The following ATP10B variants were observed in gnomAD, a reference collection of about 807,000 sequenced individuals.
ATP10B encodes ATPase phospholipid transporting 10B (putative).
A neutral mutation model predicts 141.2 loss-of-function variants in ATP10B; 122 were observed. The observed-to-expected ratio is 0.86, with a 90% CI of 0.75 to 1.00. The LOEUF is 1.00. Ranked by LOEUF, ATP10B falls within the 50% of genes least tolerant of loss-of-function variation. The probability of loss-of-function intolerance (pLI) is 0.00; values close to 1 mark genes in which losing one functional copy is unlikely to be tolerated. For missense variants in ATP10B, 1,876 were observed against 1,825.3 expected, an observed-to-expected ratio of 1.03 and a Z score of -0.51; for synonymous variants, 685 against 692.0, an observed-to-expected ratio of 0.99 and a Z score of 0.16.
chr5:160,694,875 T>C (rs1397231255), intron 3 of ATP10B, among the ~76,000 whole-genome samples: 3 of 152,234 alleles, frequency 2.0e-5, no homozygotes, highest in Admixed American at 6.5e-5. Flanking sequence ...AAAGTGCCAC[T>C]GTCAAAAGAC....
chr5:160,719,066 T>C lies in ATP10B; in HGVS notation c.-330-2032A>G, dbSNP rs377348604. On this transcript the variant is annotated intron_variant, in intron 2 of 25. Transcript: ENST00000327245. ...ACAATTAGCCAATAAATAAAAAAACTGTATTAGGTTGGTGCAAAAGTAATT... is the reference window on the plus strand; with the variant it reads ...ACAATTAGCCAATAAATAAAAAAACCGTATTAGGTTGGTGCAAAAGTAATT... Among the ~76,000 whole-genome samples, 30 of 152,268 alleles carry C rather than the reference T, an allele frequency of 2.0e-4. No homozygotes were observed. The East Asian group carries it at 2.1e-3, about 11-fold the overall frequency.
chr5:160,671,202 A>G (rs1762685252), intron 6 of ATP10B, among the ~76,000 whole-genome samples: 3 of 151,524 alleles, frequency 2.0e-5, no homozygotes, highest in Admixed American at 2.0e-4. Context: ...ACCCAAACCA[A>G]AACAAAATCT....
intron 18 of ATP10B, among the ~76,000 whole-genome samples, chr5:160,607,319 G>T (rs1277182478): frequency 6.6e-6 from 1 of 152,188 alleles, no homozygotes; most frequent in Non-Finnish European, 1.5e-5. Flanking sequence ...GAATGGGAGT[G>T]AAAGTAGCTC....
intron 2 of ATP10B, among the ~76,000 whole-genome samples, chr5:160,726,874 A>G (rs1377846752): frequency 6.6e-6 from 1 of 152,056 alleles, no homozygotes; most frequent in African/African-American, 2.4e-5. Flanking sequence ...CTTTGGAAAG[A>G]CTTATCAGAA....
intron 7 of ATP10B, among the ~76,000 whole-genome samples, chr5:160,652,031 C>T (rs191512562): frequency 6.6e-6 from 1 of 152,196 alleles, no homozygotes; most frequent in East Asian, 1.9e-4. Flanking sequence ...TTCTGTAATG[C>T]CTCGGAGTCC....
rs1026515443 is a variant in ATP10B at position 160,827,167 on chromosome 5, T to C, written c.-576+24774A>G. 2.0e-5 allele frequency among the ~76,000 whole-genome samples: 3 copies of C among 152,334 alleles called. No individual in the cohort carries two copies. In the South Asian group the frequency reaches 6.2e-4, roughly 32 times the overall value. On this transcript the variant is annotated intron_variant, in intron 1 of 25. Transcript: ENST00000327245. ...GGTGGGCATCATGGTCCTACCAATA[T>C]GTGATGTCACCCCCAGAGGCCCAGC... is the stretch of plus-strand genomic sequence containing the variant.
At chr5:160,651,212 T>C (rs1413842175) in intron 7 of ATP10B, among the ~76,000 whole-genome samples, 2 of 152,148 alleles carry the variant, frequency 1.3e-5, no homozygotes, top group Admixed American at 1.3e-4. Context: ...CCTATTTAAA[T>C]CTCATGGGCT....
At chr5:160,806,997 C>T (rs767928080) in intron 1 of ATP10B, among the ~76,000 whole-genome samples, 7 of 151,842 alleles carry the variant, frequency 4.6e-5, no homozygotes, top group Admixed American at 2.0e-4. Flanking sequence ...AAAAGACAAA[C>T]GGGGAAGAAA....
chr5:160,803,956 A>T (rs1307498928), intron 1 of ATP10B, among the ~76,000 whole-genome samples: 1 of 151,528 alleles, frequency 6.6e-6, no homozygotes, highest in Non-Finnish European at 1.5e-5. Flanking sequence ...CCCCTGTAGG[A>T]TTCATGGGGA....
At chr5:160,849,877 A>C (rs1753692061) in intron 1 of ATP10B, among the ~76,000 whole-genome samples, 1 of 152,206 alleles carries the variant, frequency 6.6e-6, no homozygotes, top group African/African-American at 2.4e-5. Context: ...AAGAATTGTA[A>C]AACAATGTCA....
At chr5:160,868,409 T>C in the ATP10B span, among the ~76,000 whole-genome samples, 1 of 152,046 alleles carries the variant, frequency 6.6e-6, no homozygotes, top group Non-Finnish European at 1.5e-5. Flanking sequence ...GCCACATACA[T>C]TGAACATTTT....
intron 24 of ATP10B, among the ~76,000 whole-genome samples, chr5:160,588,022 G>T (rs917366598): frequency 6.6e-6 from 1 of 151,996 alleles, no homozygotes; most frequent in African/African-American, 2.4e-5. Flanking sequence ...GCTAATTTTT[G>T]TATTTTTAGT....
chr5:160,599,723 T>A lies in ATP10B; in HGVS notation c.3364-753A>T, dbSNP rs147171900. On this transcript the variant is annotated intron_variant, in intron 21 of 25. Coordinates refer to ENST00000327245, the MANE Select transcript of ATP10B (RefSeq NM_025153.3). ...AAATCTGCCTAAATGTTGTTCATTT[T>A]TTTCTAAAGCTCTTTCTCACTCAAG... Among the ~76,000 whole-genome samples, 856 of 152,304 alleles carry A rather than the reference T, an allele frequency of 5.6e-3. 13 individuals are homozygous for A. Among genetic ancestry groups the A allele is most frequent in the Non-Finnish European group, 4.6e-3 (313 of 68,028 alleles).
At chr5:160,739,849 T>A (rs2127805264) in intron 2 of ATP10B, among the ~76,000 whole-genome samples, 1 of 152,336 alleles carries the variant, frequency 6.6e-6, no homozygotes, top group Admixed American at 6.5e-5. Flanking sequence ...TATTATTTTA[T>A]TTTTAGAGAC....
rs1461665976 is a variant in ATP10B, at chr5:160,812,014, CAGAGACAGAGAGAGAG to C, written c.-575-26227_-575-26212del. Reference sequence around the variant, plus strand: ...CTGAACAGAGAGACAGAGACAGAGACAGAGACAGAGAGAGAGAGAGAGAGAGAGAGAGAGAGAGAGA... The same window carrying C: ...CTGAACAGAGAGACAGAGACAGAGACAGAGAGAGAGAGAGAGAGAGAGAGA... On this transcript the variant is annotated intron_variant, in intron 1 of 25. Coordinates refer to ENST00000327245, the MANE Select transcript of ATP10B (RefSeq NM_025153.3). 9.8e-3 allele frequency among the ~76,000 whole-genome samples: 1,159 copies of C among 117,822 alleles called. 12 individuals are homozygous for C. The highest frequency in any genetic ancestry group is 0.027 in the African/African-American group (824 of 29,974). 77.3% of individuals were successfully genotyped at this position (117,822 alleles called of 152,430 possible).
chr5:160,597,518 T>C (rs1362376002), intron 22 of ATP10B, among the ~76,000 whole-genome samples: 1 of 152,112 alleles, frequency 6.6e-6, no homozygotes, highest in African/African-American at 2.4e-5. Flanking sequence ...CCAAAAGCAA[T>C]GGCAACAAAA....
chr5:160,572,376 T>C (rs1307811535), intron 24 of ATP10B, among the ~76,000 whole-genome samples: 4 of 152,108 alleles, frequency 2.6e-5, no homozygotes, highest in African/African-American at 7.2e-5. Flanking sequence ...AGGGAAGAAA[T>C]AGATTCTCTT....
chr5:160,666,257 C>T (rs1312511349), intron 7 of ATP10B, among the ~76,000 whole-genome samples: 4 of 152,222 alleles, frequency 2.6e-5, no homozygotes, highest in South Asian at 2.1e-4. Flanking sequence ...AAAATATGCA[C>T]ACTCAAGTCC....
At chr5:160,780,199 C>T (rs1561845387) in intron 2 of ATP10B, among the ~76,000 whole-genome samples, 1 of 152,038 alleles carries the variant, frequency 6.6e-6, no homozygotes, top group African/African-American at 2.4e-5. Flanking sequence ...GTGAGAGAGA[C>T]TGAGAGTACT....
Sources: gnomAD v4.1 joint callset for allele counts (sites outside exome capture counted in the v4.1 genomes callset) on GRCh38, gnomAD v4.1.1 for gene constraint, MANE v1.5 for transcripts, NCBI Gene and HGNC (gene_info 2026-07-23, HGNC 2026-07-21) for gene names.